SRGAP3: variants seen among roughly 807,000 people sequenced by gnomAD.
The protein encoded by SRGAP3 is SLIT-ROBO Rho GTPase-activating protein 3.
A neutral mutation model predicts 121.1 loss-of-function variants in SRGAP3; 39 were observed. That is an observed-to-expected ratio of 0.32 (90% CI 0.25 to 0.42). The LOEUF (loss-of-function observed/expected upper bound fraction) is 0.42. Ranked by LOEUF, SRGAP3 falls within the 10% of genes least tolerant of loss-of-function variation. The pLI, the probability that SRGAP3 is intolerant of heterozygous loss-of-function variation, is 1.00. For synonymous variants in SRGAP3, 601 were observed against 570.0 expected (o/e 1.05, Z -0.77); for missense variants, 1,213 against 1,470.6 (o/e 0.82, Z 2.86).
intron 3 of SRGAP3, among the ~76,000 whole-genome samples, chr3:9,279,531 T>C (rs1337991496): frequency 7.3e-6 from 1 of 136,468 alleles, no homozygotes; most frequent in Admixed American, 7.2e-5. Flanking sequence ...TTTTTTTTTT[T>C]GAGATGGAGT....
At chr3:9,088,228 G>C (rs1947583289) in intron 3 of SRGAP3, among the ~76,000 whole-genome samples, 1 of 152,166 alleles carries the variant, frequency 6.6e-6, no homozygotes, top group African/African-American at 2.4e-5. Context: ...AGGGTGGCAG[G>C]CTGCTTCCTT....
At position 9,109,753 on chromosome 3, in the gene SRGAP3, T is replaced by G. The variant is rs1235435304; in HGVS notation, c.261-4911A>C. Among the ~76,000 whole-genome samples the G allele has an allele frequency of 1.3e-5, 2 of 152,116 alleles. No individual in the cohort carries two copies. The highest frequency in any genetic ancestry group is 2.9e-5 in the Non-Finnish European group (2 of 68,012). ...GTGAGGTTGGTCATGCATGGCTTCC[T>G]GGAGGAAACGCTTTCTAGACTGAGA... is the stretch of plus-strand genomic sequence containing the variant. On this transcript the variant is annotated intron_variant, in intron 2 of 21. Transcript: ENST00000383836. The surrounding 1 kb of genome is among the most constrained non-coding windows in gnomAD (Gnocchi z 4.4).
At chr3:9,355,073 C>G (rs2030421610) in intron 1 of SRGAP3, among the ~76,000 whole-genome samples, 1 of 152,156 alleles carries the variant, frequency 6.6e-6, no homozygotes, top group Non-Finnish European at 1.5e-5. Flanking sequence ...GACAGTTTAG[C>G]CTCGTTCTTG....
At chr3:9,281,423 G>T (rs1348191153) in intron 3 of SRGAP3, among the ~76,000 whole-genome samples, 2 of 152,140 alleles carry the variant, frequency 1.3e-5, no homozygotes, top group Non-Finnish European at 2.9e-5. Context: ...TGGACTCCTG[G>T]TTAAGGCTAC....
chr3:9,321,654 G>T (rs1351920892), intron 3 of SRGAP3, among the ~76,000 whole-genome samples: 1 of 151,868 alleles, frequency 6.6e-6, no homozygotes, highest in East Asian at 1.9e-4. Flanking sequence ...CCACGAAAAA[G>T]AATCAGATCA....
chr3:9,079,944 C>T (rs1379443328), intron 4 of SRGAP3, 81 bp downstream of exon 4: 10 of 1,512,602 alleles, frequency 6.6e-6, no homozygotes, highest in Non-Finnish European at 9.1e-6. Flanking sequence ...CATTCCAGAC[C>T]TCTGTTTTGC....
intron 3 of SRGAP3, among the ~76,000 whole-genome samples, chr3:9,295,671 T>G (rs941424589): frequency 2.0e-5 from 3 of 152,228 alleles, no homozygotes; most frequent in African/African-American, 7.2e-5. Context: ...TTTAACCATT[T>G]TTAAGTGTAC....
rs1488267990 is a variant in SRGAP3 at position 9,330,107 on chromosome 3, T to A, written n.283+421A>T. On this transcript the variant is annotated intron_variant and non_coding_transcript_variant, in intron 2 of 3. Transcript: ENST00000490889. ...TTTTCCAGAAATTAAGGATCACATTTCTACCTAAAATATTGACTTTATTCA... is the reference window on the plus strand; with the variant it reads ...TTTTCCAGAAATTAAGGATCACATTACTACCTAAAATATTGACTTTATTCA... Among the ~76,000 whole-genome samples the A allele has an allele frequency of 2.0e-5, 3 of 152,222 alleles. No homozygotes were observed. In the East Asian group the frequency reaches 5.8e-4, roughly 29 times the overall value.
intron 1 of SRGAP3, among the ~76,000 whole-genome samples, chr3:9,187,606 A>G (rs1951638221): frequency 6.6e-6 from 1 of 152,098 alleles, no homozygotes; most frequent in African/African-American, 2.4e-5. Flanking sequence ...CCCTTTGTGC[A>G]CACCACCAGC....
chr3:9,156,945 C>T (rs370158089), intron 1 of SRGAP3, among the ~76,000 whole-genome samples: 1 of 152,146 alleles, frequency 6.6e-6, no homozygotes, highest in African/African-American at 2.4e-5. Context: ...TTATTAAGAC[C>T]CTACTCTGTG....
At chr3:9,077,122 C>G (rs2675172) in intron 4 of SRGAP3, among the ~76,000 whole-genome samples, 100,298 of 147,646 alleles carry the variant, frequency 0.68, 37,199 homozygotes, top group Non-Finnish European at 0.82. Context: ...AGTCCCCCAC[C>G]CCCTCCCCCT....
chr3:9,140,829 G>A (rs113877870), intron 1 of SRGAP3, among the ~76,000 whole-genome samples: 96 of 152,292 alleles, frequency 6.3e-4, no homozygotes, highest in African/African-American at 2.2e-3. Context: ...TCTAATAAGG[G>A]GAGAGGCAGT....
At chr3:8,999,478 T>A (rs1274183667) in intron 18 of SRGAP3, among the ~76,000 whole-genome samples, 2 of 152,146 alleles carry the variant, frequency 1.3e-5, no homozygotes, top group Non-Finnish European at 2.9e-5. Context: ...AGGTCATGAG[T>A]CCTGCCTGCA....
At chr3:9,087,360 A>G (rs1263796681) in intron 3 of SRGAP3, among the ~76,000 whole-genome samples, 1 of 151,992 alleles carries the variant, frequency 6.6e-6, no homozygotes, top group African/African-American at 2.4e-5. Context: ...GGACAAGGCT[A>G]GGAAGTTGCC....
chr3:9,006,954 C>CTTTTTTTTTTTTTT (rs891322969), intron 18 of SRGAP3: 9 of 106,602 alleles, frequency 8.4e-5, no homozygotes, highest in African/African-American at 3.4e-4. Flanking sequence ...GGTATAGAAT[C>CTTTTTTTTTTTTTT]TTTTTTTTTT....
intron 3 of SRGAP3, among the ~76,000 whole-genome samples, chr3:9,275,615 A>T (rs894346335): frequency 2.0e-5 from 3 of 152,150 alleles, no homozygotes; most frequent in Non-Finnish European, 4.4e-5. Flanking sequence ...GTAGTAAATA[A>T]GGCTCACGAC....
chr3:9,006,398 C>CAAAAAA (rs71049762), intron 18 of SRGAP3, among the ~76,000 whole-genome samples: 5 of 122,954 alleles, frequency 4.1e-5, no homozygotes, highest in African/African-American at 6.0e-5. Flanking sequence ...GACTCTGTCT[C>CAAAAAA]AAAAAAAAAA....
chr3:9,090,603 G>A (rs960528784), intron 3 of SRGAP3, among the ~76,000 whole-genome samples: 25 of 152,132 alleles, frequency 1.6e-4, no homozygotes, highest in African/African-American at 5.8e-4. Context: ...TAGGTCCTAA[G>A]ACTTTATGAG....
intron 1 of SRGAP3, among the ~76,000 whole-genome samples, chr3:9,207,530 A>G (rs541619030): frequency 9.2e-5 from 14 of 152,206 alleles, no homozygotes; most frequent in East Asian, 1.9e-4. Flanking sequence ...GTAGACTACC[A>G]TACAGGAAGT....
Sources: allele counts gnomAD v4.1 joint callset (sites outside exome capture counted in the v4.1 genomes callset), GRCh38; gene constraint gnomAD v4.1.1; non-coding constraint Gnocchi (gnomAD v3.1); transcripts MANE v1.5; gene names NCBI Gene and HGNC (gene_info 2026-07-23, HGNC 2026-07-21).